Variants in EXTL3 observed in about 807,000 individuals in gnomAD.
The protein encoded by EXTL3 is exostosin like glycosyltransferase 3.
A neutral mutation model predicts 69.3 loss-of-function variants in EXTL3; 27 were observed. The ratio of observed to expected loss-of-function variants is 0.39; its 90% CI spans 0.29 to 0.54. The LOEUF is 0.54. Among genes scored for constraint, EXTL3 ranks in the 20% least tolerant of loss-of-function variants. EXTL3 has a pLI of 0.69. For missense variants in EXTL3, 1,003 were observed against 1,231.8 expected (o/e 0.81, Z 2.78); for synonymous variants, 511 against 499.4 (o/e 1.02, Z -0.31).
rs754993188 is a variant in EXTL3, at chr8:28,716,026, C to T, written c.-34C>T. 1.4e-5 allele frequency: 22 copies of T among 1,554,188 alleles called. No individual in the cohort carries two copies. The highest frequency in any genetic ancestry group is 9.4e-5 in the African/African-American group (7 of 74,082). On this transcript the variant is annotated 5_prime_UTR_variant, in exon 3 of 7. Transcript: ENST00000220562. This position sits in a 1 kb window ranked among gnomAD's most constrained non-coding sequence, Gnocchi z 7.1. ...CAACCCATGGTTATGGCGAGTGACC[C>T]GACGTGATCTGGGGGGCAGGCTGCA... is the stretch of plus-strand genomic sequence containing the variant.
chr8:28,727,086 A>G (rs2130763452), intron 3 of EXTL3, among the ~76,000 whole-genome samples: 1 of 151,940 alleles, frequency 6.6e-6, no homozygotes, highest in East Asian at 1.9e-4. Context: ...GGGTTTTGCC[A>G]TATTAGCCAG....
chr8:28,666,247 C>T (rs1321661006), intron 1 of EXTL3, among the ~76,000 whole-genome samples: 1 of 152,106 alleles, frequency 6.6e-6, no homozygotes, highest in East Asian at 1.9e-4. Context: ...TTCTTGCTGT[C>T]TCTTTTCTTT....
Position 28,717,240 on chromosome 8 carries a change from T to G in EXTL3, c.1181T>G (p.Val394Gly), listed in dbSNP as rs1247127724. The change falls in exon 3 of 7, where the codon GTC (valine) becomes GGC (glycine). Residue 394 changes from valine to glycine, a missense_variant. Around this residue, in one of 2 missense-constraint regions of EXTL3, gnomAD observed 742 missense variants for 815.4 expected, o/e 0.91. Transcript: ENST00000220562. This position sits in a 1 kb window ranked among gnomAD's most constrained non-coding sequence, Gnocchi z 8.3. The part of the protein sequence containing the change: ...KAVQDSKLDQ[V>G]LVEFTCKNQP... ...GTGCAGGACAGCAAGCTGGATCAGGTCCTGGTGGAATTCACCTGCAAAAAC... is the reference window on the plus strand; with the variant it reads ...GTGCAGGACAGCAAGCTGGATCAGGGCCTGGTGGAATTCACCTGCAAAAAC... 3.1e-6 allele frequency: 5 copies of G among 1,614,170 alleles called. No homozygotes were observed. Among genetic ancestry groups the G allele is most frequent in the Non-Finnish European group, 4.2e-6 (5 of 1,180,038 alleles).
chr8:28,656,793 CA>C (rs1312072072), intron 1 of EXTL3, among the ~76,000 whole-genome samples: 1 of 152,154 alleles, frequency 6.6e-6, no homozygotes, highest in African/African-American at 2.4e-5. Context: ...TTACTCCTTT[CA>C]TAACCCCTAA....
chr8:28,748,550 C>T (rs1585301252), intron 6 of EXTL3, among the ~76,000 whole-genome samples: 1 of 152,038 alleles, frequency 6.6e-6, no homozygotes, highest in Non-Finnish European at 1.5e-5. Flanking sequence ...GGGTGGCAAG[C>T]GTGGTGGCAT....
chr8:28,672,984 G>T (rs1807322056), intron 1 of EXTL3, among the ~76,000 whole-genome samples: 1 of 152,168 alleles, frequency 6.6e-6, no homozygotes, highest in Non-Finnish European at 1.5e-5. Flanking sequence ...ACTCTCATTT[G>T]CTCTTGCCTG....
At chr8:28,712,407 G>A (rs1801048758) in intron 1 of EXTL3, among the ~76,000 whole-genome samples, 1 of 152,146 alleles carries the variant, frequency 6.6e-6, no homozygotes, top group African/African-American at 2.4e-5. Flanking sequence ...CCTGGTTGCT[G>A]TGTATGGAGT....
In EXTL3 at chr8:28,750,605, T is replaced by A. The variant is rs375927901; in HGVS notation, c.2551-52T>A. On this transcript the variant is annotated intron_variant, in intron 6 of 6. Coordinates refer to ENST00000220562, the MANE Select transcript of EXTL3 (RefSeq NM_001440.4). The surrounding 1 kb of genome is among the most constrained non-coding windows in gnomAD (Gnocchi z 5.2). ...TGTGGGATCGGCTCAGCTGCAAGGG[T>A]TCTGTCAGTATTAGCTGGGATTCCC... 70 of 1,447,840 alleles carry A rather than the reference T, an allele frequency of 4.8e-5. No individual in the cohort carries two copies. In the African/African-American group the frequency reaches 8.7e-4, roughly 18 times the overall value. 89.7% of individuals were successfully genotyped at this position (1,447,840 alleles called of 1,614,324 possible). A position where few individuals can be genotyped will look rare whatever the true frequency, so the allele number is the denominator to read the frequency against.
intron 1 of EXTL3, among the ~76,000 whole-genome samples, chr8:28,673,038 G>A (rs1250105828): frequency 6.6e-6 from 1 of 152,192 alleles, no homozygotes; most frequent in Admixed American, 6.5e-5. Flanking sequence ...ACGATTGTGA[G>A]GCCTCCTCAG....
At position 28,753,254 on chromosome 8, in the gene EXTL3, C is replaced by A. The variant is rs556336809; in HGVS notation, c.*2388C>A. ...GGGAAAGCCGCCGACCTGTGACTCGCTTGAGATGGGAAAGCGGCGCCACAG... is the reference window on the plus strand; with the variant it reads ...GGGAAAGCCGCCGACCTGTGACTCGATTGAGATGGGAAAGCGGCGCCACAG... On this transcript the variant is annotated 3_prime_UTR_variant, in exon 7 of 7. Transcript: ENST00000220562. The A allele has an allele frequency of 3.3e-4, 51 of 152,358 alleles. No homozygotes were observed. The highest frequency in any genetic ancestry group is 9.6e-4 in the African/African-American group (40 of 41,590). The allele number at this position is 152,358 out of a possible 1,614,324, so 9.4% of individuals were successfully genotyped here. A position where few individuals can be genotyped will look rare whatever the true frequency, so the allele number is the denominator to read the frequency against.
chr8:28,630,249 ACT>A (rs1283884453), intron 1 of EXTL3, among the ~76,000 whole-genome samples: 1 of 151,394 alleles, frequency 6.6e-6, no homozygotes, highest in Non-Finnish European at 1.5e-5. Flanking sequence ...CTGCACACAC[ACT>A]CTTGCCTGCT....
intron 1 of EXTL3, among the ~76,000 whole-genome samples, chr8:28,664,478 C>T (rs1353548057): frequency 2.0e-5 from 3 of 152,144 alleles, no homozygotes; most frequent in Admixed American, 6.6e-5. Context: ...CCACTGCATC[C>T]GGCCTCTGGG....
intron 1 of EXTL3, among the ~76,000 whole-genome samples, chr8:28,661,837 G>T (rs1425348303): frequency 1.3e-5 from 2 of 151,290 alleles, no homozygotes; most frequent in Non-Finnish European, 2.9e-5. Flanking sequence ...GTGAGCCAAG[G>T]TTGCGCCACT....
At position 28,642,808 on chromosome 8, in the gene EXTL3, G is replaced by T. The variant is rs181662182; in HGVS notation, c.-53+19998G>T. On this transcript the variant is annotated intron_variant, in intron 1 of 6. Transcript: ENST00000523149. ...ATTTTATTTTAAAAATTGACATGCA[G>T]AAAATTGATTTTTGGGATATATAGT... Among the ~76,000 whole-genome samples, 256 of 152,076 alleles carry T rather than the reference G, an allele frequency of 1.7e-3. 4 individuals carry two copies. Among genetic ancestry groups the T allele is most frequent in the African/African-American group, 5.4e-3 (223 of 41,442 alleles).
intron 2 of EXTL3, among the ~76,000 whole-genome samples, chr8:28,613,064 G>A (rs1350180679): frequency 6.6e-6 from 1 of 152,084 alleles, no homozygotes; most frequent in Non-Finnish European, 1.5e-5. Flanking sequence ...CTAATAATTT[G>A]TTGAGGATTT....
At chr8:28,744,792 CA>C (rs56932280) in intron 6 of EXTL3, among the ~76,000 whole-genome samples, 21,735 of 137,498 alleles carry the variant, frequency 0.16, 1,994 homozygotes, top group Admixed American at 0.21. Flanking sequence ...GACTCCATCT[CA>C]AAAAAAAAAA....
At chr8:28,729,292 C>CAAA (rs72487306) in intron 3 of EXTL3, among the ~76,000 whole-genome samples, 2,960 of 73,954 alleles carry the variant, frequency 0.04, 312 homozygotes, top group African/African-American at 0.17. Context: ...GACTCTATCT[C>CAAA]AAAAAAAAAA....
rs1158045348 is a variant in EXTL3, at chr8:28,622,974, C to G, written c.-53+164C>G. On this transcript the variant is annotated intron_variant, in intron 1 of 6. Coordinates refer to the EXTL3 transcript ENST00000523149. ...GATTTTAAAACTCTTTGTCTGGCCC[C>G]GTCGTCCTGCCCGCGGGCCGGACGT... 3.3e-5 allele frequency among the ~76,000 whole-genome samples: 5 copies of G among 152,166 alleles called. 1 individual carries two copies. Among genetic ancestry groups the G allele is most frequent in the Admixed American group, 2.6e-4 (4 of 15,288 alleles).
chr8:28,669,129 A>C (rs1807245539), intron 1 of EXTL3, among the ~76,000 whole-genome samples: 1 of 152,042 alleles, frequency 6.6e-6, no homozygotes. Context: ...CTCCCAAAAT[A>C]CTGGGATTAC....
Sources: gnomAD v4.1 joint callset for allele counts (sites outside exome capture counted in the v4.1 genomes callset) on GRCh38, gnomAD v4.1.1 for gene constraint, gnomAD v4.1.1 regional missense constraint, Gnocchi (gnomAD v3.1) non-coding constraint, MANE v1.5 for transcripts, NCBI Gene and HGNC (gene_info 2026-07-23, HGNC 2026-07-21) for gene names.